The following KDM4C variants were observed in gnomAD, a reference collection of about 807,000 sequenced individuals.
The protein encoded by KDM4C is lysine-specific demethylase 4C.
In KDM4C, 81 loss-of-function variants were observed where a neutral mutation model predicts 129.3. The observed-to-expected ratio is 0.63, with a 90% CI of 0.52 to 0.75. The LOEUF is 0.75. Among genes scored for constraint, KDM4C ranks in the 30% least tolerant of loss-of-function variants. KDM4C has a pLI of 0.00. For synonymous variants in KDM4C, 573 were observed against 456.1 expected, an observed-to-expected ratio of 1.26 and a Z score of -3.26; for missense variants, 1,457 against 1,304.0, an observed-to-expected ratio of 1.12 and a Z score of -1.81.
chr9:6,784,205 C>T (rs956566500), intron 1 of KDM4C, among the ~76,000 whole-genome samples: 2 of 152,108 alleles, frequency 1.3e-5, no homozygotes, highest in African/African-American at 4.8e-5. Flanking sequence ...GATGGGGAAG[C>T]AGAGGCCTCA....
intron 15 of KDM4C, among the ~76,000 whole-genome samples, chr9:7,037,490 A>G (rs1015095190): frequency 2.0e-5 from 3 of 151,944 alleles, no homozygotes; most frequent in Non-Finnish European, 2.9e-5. Context: ...GATTATAAAT[A>G]CTCTTTTCCA....
intron 1 of KDM4C, among the ~76,000 whole-genome samples, chr9:6,776,362 C>G (rs1303084309): frequency 6.6e-6 from 1 of 152,116 alleles, no homozygotes; most frequent in Admixed American, 6.5e-5. Flanking sequence ...CTCCCGGGTT[C>G]AAGTGATTCC....
At position 6,896,039 on chromosome 9, in the gene KDM4C, T is replaced by G. The variant is rs1264671262; in HGVS notation, c.921+2807T>G. Among the ~76,000 whole-genome samples, 3 of 152,228 alleles carry G rather than the reference T, an allele frequency of 2.0e-5. No homozygotes were observed. The East Asian group carries it at 5.8e-4, about 29-fold the overall frequency. On this transcript the variant is annotated intron_variant, in intron 8 of 21. Coordinates refer to ENST00000381309, the MANE Select transcript of KDM4C (RefSeq NM_015061.6). Reference sequence around the variant, plus strand: ...CCAAGTCTGATTCTTTAGGTAACCTTATGAATTTACTGTGTTGCATGTATA... The same window carrying G: ...CCAAGTCTGATTCTTTAGGTAACCTGATGAATTTACTGTGTTGCATGTATA...
chr9:6,967,316 C>CG (rs962141534), intron 8 of KDM4C, among the ~76,000 whole-genome samples: 19 of 151,306 alleles, frequency 1.3e-4, no homozygotes, highest in African/African-American at 4.6e-4. Flanking sequence ...CCCAGCTACT[C>CG]GGGGGGCTGA....
intron 18 of KDM4C, among the ~76,000 whole-genome samples, chr9:7,115,269 C>G (rs548748972): frequency 5.9e-5 from 9 of 152,054 alleles, no homozygotes; most frequent in African/African-American, 2.2e-4. Context: ...TTGCTTTTTG[C>G]ACAGAATTAA....
At chr9:6,856,602 C>T (rs962079282) in intron 5 of KDM4C, among the ~76,000 whole-genome samples, 1 of 148,604 alleles carries the variant, frequency 6.7e-6, no homozygotes, top group Non-Finnish European at 1.5e-5. Flanking sequence ...GAGACAGAGT[C>T]TCACTCTGTT....
intron 8 of KDM4C, chr9:6,974,885 G>C (rs1832676518): frequency 2.0e-5 from 3 of 152,174 alleles, no homozygotes; most frequent in Non-Finnish European, 4.4e-5. Context: ...AGCAGGAGTG[G>C]ATTGTTTAAT....
chr9:7,016,216 C>T (rs565707555), intron 15 of KDM4C, among the ~76,000 whole-genome samples: 1 of 152,100 alleles, frequency 6.6e-6, no homozygotes, highest in South Asian at 2.1e-4. Flanking sequence ...CAAGCTCCAC[C>T]TTCCAGGTTC....
chr9:6,992,971 A>T (rs1348626685), intron 12 of KDM4C, among the ~76,000 whole-genome samples: 1 of 152,192 alleles, frequency 6.6e-6, no homozygotes, highest in Non-Finnish European at 1.5e-5. Context: ...CTGGCAGCTG[A>T]GAGATGAGCC....
Position 6,953,451 on chromosome 9 carries a change from A to G in KDM4C, c.922-27474A>G, listed in dbSNP as rs1052625141. On this transcript the variant is annotated intron_variant, in intron 8 of 21. Coordinates refer to ENST00000381309, the MANE Select transcript of KDM4C (RefSeq NM_015061.6). The stretch of plus-strand genomic sequence containing the variant: ...AACATTTAATACTTGCAATGCAATA[A>G]TCTGATCAATCTCTTTGTCTTTCAA... Among the ~76,000 whole-genome samples, 10 of 152,258 alleles carry G rather than the reference A, an allele frequency of 6.6e-5. 1 individual carries two copies.
chr9:6,889,848 G>A (rs959401763), intron 7 of KDM4C, among the ~76,000 whole-genome samples: 5 of 152,206 alleles, frequency 3.3e-5, no homozygotes, highest in African/African-American at 9.6e-5. Context: ...CTTTCCCCAG[G>A]AGGGAGGCCT....
chr9:7,081,103 G>T (rs1587512876), intron 17 of KDM4C, among the ~76,000 whole-genome samples: 2 of 152,330 alleles, frequency 1.3e-5, no homozygotes, highest in East Asian at 3.9e-4. Flanking sequence ...CATCAGGCAG[G>T]TGAATGGGAA....
At chr9:6,861,708 T>C (rs1056085317) in intron 5 of KDM4C, among the ~76,000 whole-genome samples, 8 of 152,184 alleles carry the variant, frequency 5.3e-5, no homozygotes, top group Non-Finnish European at 1.2e-4. Context: ...ATTTACTTAT[T>C]TGAGGAATCA....
intron 18 of KDM4C, 183 bp downstream of exon 18, chr9:7,104,053 G>A: frequency 1.7e-6 from 1 of 586,218 alleles, no homozygotes; most frequent in Non-Finnish European, 3.0e-6. Flanking sequence ...CCTAGGACCT[G>A]TCAAGTGCCT....
chr9:6,975,455 G>T (rs757368090), intron 8 of KDM4C, among the ~76,000 whole-genome samples: 10 of 152,186 alleles, frequency 6.6e-5, no homozygotes, highest in Non-Finnish European at 1.5e-4. Flanking sequence ...AGTAGATTGG[G>T]TAAGAGTGTA....
intron 15 of KDM4C, among the ~76,000 whole-genome samples, chr9:7,033,626 T>G (rs937509885): frequency 1.3e-5 from 2 of 152,226 alleles, no homozygotes; most frequent in Admixed American, 1.3e-4. Context: ...TTTTCTCTGT[T>G]CTTTCCTCTT....
chr9:6,824,305 G>T (rs1588516518), intron 4 of KDM4C, among the ~76,000 whole-genome samples: 1 of 152,160 alleles, frequency 6.6e-6, no homozygotes. Context: ...CTAGCATAGG[G>T]TCTGATGAGT....
chr9:7,003,662 G>A (rs1159645854), intron 12 of KDM4C, among the ~76,000 whole-genome samples: 6 of 151,996 alleles, frequency 3.9e-5, no homozygotes, highest in African/African-American at 1.4e-4. Context: ...TTAGCATTTT[G>A]GGGGAACTGT....
At chr9:6,935,525 C>T (rs1047716172) in intron 8 of KDM4C, among the ~76,000 whole-genome samples, 9 of 151,600 alleles carry the variant, frequency 5.9e-5, no homozygotes, top group Non-Finnish European at 2.9e-5. Context: ...TCAAGAGATT[C>T]TCCTGCCTTG....
Sources: gnomAD v4.1 joint callset for allele counts (sites outside exome capture counted in the v4.1 genomes callset) on GRCh38, gnomAD v4.1.1 for gene constraint, MANE v1.5 for transcripts, NCBI Gene and HGNC (gene_info 2026-07-23, HGNC 2026-07-21) for gene names.